ADIPOR2: variants seen among roughly 807,000 people sequenced by gnomAD.
The protein encoded by ADIPOR2 is adiponectin receptor protein 2.
A neutral mutation model predicts 40.9 loss-of-function variants in ADIPOR2; 18 were observed. That is an observed-to-expected ratio of 0.44 (90% CI 0.30 to 0.65). The LOEUF is 0.65. Among genes scored for constraint, ADIPOR2 ranks in the 30% least tolerant of loss-of-function variants. The probability of loss-of-function intolerance (pLI) is 0.09; values close to 1 mark genes in which losing one functional copy is unlikely to be tolerated. For synonymous variants in ADIPOR2, 165 were observed against 166.4 expected, an observed-to-expected ratio of 0.99 and a Z score of 0.06; for missense variants, 283 against 479.2, an observed-to-expected ratio of 0.59 and a Z score of 3.82.
At chr12:1,697,578 C>G (rs2094641873) in intron 1 of ADIPOR2, 1 of 152,476 alleles carries the variant, frequency 6.6e-6, no homozygotes, top group Admixed American at 6.5e-5. Flanking sequence ...TTCTGCAGTA[C>G]TATATCCACT....
intron 1 of ADIPOR2, among the ~76,000 whole-genome samples, chr12:1,748,819 C>G (rs1345069610): frequency 6.6e-6 from 1 of 151,992 alleles, no homozygotes; most frequent in Non-Finnish European, 1.5e-5. Flanking sequence ...TGTGATCACA[C>G]ACATGGGGTT....
At chr12:1,732,969 A>G (rs1443356956) in intron 1 of ADIPOR2, among the ~76,000 whole-genome samples, 2 of 152,212 alleles carry the variant, frequency 1.3e-5, no homozygotes, top group Non-Finnish European at 2.9e-5. Flanking sequence ...AAAGAGTACA[A>G]TTATTGGGAT....
intron 1 of ADIPOR2, among the ~76,000 whole-genome samples, chr12:1,717,572 G>A (rs557878148): frequency 6.6e-6 from 1 of 152,284 alleles, no homozygotes; most frequent in African/African-American, 2.4e-5. Flanking sequence ...AGGCGTGGTG[G>A]CACATGCCTG....
chr12:1,725,712 ATACAT>A (rs2094706580), intron 1 of ADIPOR2, among the ~76,000 whole-genome samples: 1 of 152,210 alleles, frequency 6.6e-6, no homozygotes, highest in Non-Finnish European at 1.5e-5. Flanking sequence ...AATGAACAAA[ATACAT>A]TATATTTTAC....
At chr12:1,771,723 T>C (rs1862498593) in intron 2 of ADIPOR2, among the ~76,000 whole-genome samples, 1 of 152,228 alleles carries the variant, frequency 6.6e-6, no homozygotes, top group Admixed American at 6.5e-5. Context: ...TAAAGTGTTG[T>C]AGTAGATTAC....
At chr12:1,741,217 T>G (rs927346551) in intron 1 of ADIPOR2, among the ~76,000 whole-genome samples, 8 of 152,058 alleles carry the variant, frequency 5.3e-5, no homozygotes, top group African/African-American at 1.9e-4. Context: ...ATTTTTCTGT[T>G]CGAAAGAGCA....
chr12:1,775,825 G>A (rs778690220), intron 3 of ADIPOR2, among the ~76,000 whole-genome samples: 3 of 150,862 alleles, frequency 2.0e-5, no homozygotes, highest in African/African-American at 7.3e-5. Flanking sequence ...ACTTCCAGCA[G>A]TTCCAACAGA....
Position 1,747,154 on chromosome 12 carries a change from G to A in ADIPOR2, c.-86-7104G>A, listed in dbSNP as rs2094757317. On this transcript the variant is annotated intron_variant, in intron 1 of 7. Transcript: ENST00000357103. Reference sequence around the variant, plus strand: ...CTAATAGGCATGTATACTCCACTCAGTAGCTATTTTTCTCAAGTGCACATA... The same window carrying A: ...CTAATAGGCATGTATACTCCACTCAATAGCTATTTTTCTCAAGTGCACATA... 1.3e-5 allele frequency among the ~76,000 whole-genome samples: 2 copies of A among 151,208 alleles called. 1 individual carries two copies. Among genetic ancestry groups the A allele is most frequent in the South Asian group, 4.1e-4 (2 of 4,822 alleles).
chr12:1,720,539 A>C (rs1458856763), intron 1 of ADIPOR2, among the ~76,000 whole-genome samples: 2 of 152,232 alleles, frequency 1.3e-5, no homozygotes, highest in Non-Finnish European at 2.9e-5. Context: ...ACAGTGGCAG[A>C]TCATCAGGCA....
chr12:1,723,502 T>TG (rs138616521), intron 1 of ADIPOR2, among the ~76,000 whole-genome samples: 2,363 of 142,128 alleles, frequency 0.017, 41 homozygotes, highest in African/African-American at 0.058. Flanking sequence ...CCAGGCGTGG[T>TG]GGTGGGTGCC....
intron 2 of ADIPOR2, among the ~76,000 whole-genome samples, chr12:1,769,379 G>A (rs188833959): frequency 2.0e-5 from 3 of 152,196 alleles, no homozygotes; most frequent in African/African-American, 7.2e-5. Context: ...CGTGGATACC[G>A]CATTAGCAAC....
At position 1,692,644 on chromosome 12, in the gene ADIPOR2, GT is replaced by G. The variant is rs371965934; in HGVS notation, c.-87+1463del. ...ATTTCCAGAGCCTAAAAGAGAGTTT[GT>G]TTTTTTTTTCTATCCCTAGGCTCCT... On this transcript the variant is annotated intron_variant, in intron 1 of 7. Transcript: ENST00000357103. 1.1e-4 allele frequency among the ~76,000 whole-genome samples: 16 copies of G among 142,152 alleles called. 2 individuals carry two copies. Among genetic ancestry groups the G allele is most frequent in the Admixed American group, 6.2e-4 (9 of 14,426 alleles). The allele number at this position is 142,152 out of a possible 152,430, so 93.3% of individuals were successfully genotyped here.
At chr12:1,778,219 TAA>T (rs1862639547) in intron 4 of ADIPOR2, 194 bp downstream of exon 4, 16 of 557,316 alleles carry the variant, frequency 2.9e-5, no homozygotes, top group Non-Finnish European at 4.6e-5. Flanking sequence ...TGTTATAACT[TAA>T]GTTATATTTC....
chr12:1,772,709 T>C (rs1400732516), intron 2 of ADIPOR2, 133 bp from the exon 3 acceptor site: 2 of 1,114,588 alleles, frequency 1.8e-6, no homozygotes, highest in African/African-American at 3.1e-5. Context: ...ACTGACTTAC[T>C]ATATTGTTGA....
At chr12:1,711,622 CTCTCTCTCTCTCTCTCTCTT>C (rs1327470600) in intron 1 of ADIPOR2, among the ~76,000 whole-genome samples, 2 of 4,046 alleles carry the variant, frequency 4.9e-4, no homozygotes, top group Non-Finnish European at 1.7e-3. Context: ...TCCTCTCTCT[CTCTCTCTCTCTCTCTCTCTT>C]TCTCTCTTTC....
Position 1,781,014 on chromosome 12 carries a change from C to T in ADIPOR2, c.776C>T (p.Ala259Val), listed in dbSNP as rs1862706811. ...YLIVICVLGI[A>V]AIIVSQWDMF... The stretch of plus-strand genomic sequence containing the variant: ...ATTGTCATCTGTGTGCTGGGCATTG[C>T]AGCCATTATAGTCTCCCAGTGGGAC... Residue 259 changes from alanine to valine, a missense_variant, in exon 6 of 8, where the codon GCA becomes GTA. Physicochemically the swap from Ala to Val is moderately conservative, Grantham distance 64. Coordinates refer to ENST00000357103, the MANE Select transcript of ADIPOR2 (RefSeq NM_024551.3). The T allele has an allele frequency of 6.2e-7, 1 of 1,613,650 alleles. No homozygotes were observed. The highest frequency in any genetic ancestry group is 1.1e-5 in the South Asian group (1 of 90,980).
At chr12:1,705,689 A>G (rs2094660775) in intron 1 of ADIPOR2, among the ~76,000 whole-genome samples, 1 of 152,246 alleles carries the variant, frequency 6.6e-6, no homozygotes, top group African/African-American at 2.4e-5. Flanking sequence ...AGTCATTATT[A>G]TAGATCTTGG....
In ADIPOR2 at chr12:1,699,551, C is replaced by G. The variant is rs1210449797; in HGVS notation, c.-87+8360C>G. Among the ~76,000 whole-genome samples the G allele has an allele frequency of 3.3e-5, 5 of 152,198 alleles. No homozygotes were observed. In the South Asian group the frequency reaches 8.3e-4, roughly 25 times the overall value. ...CTGTAATCCCTGCTACTTGGGAGAC[C>G]GAGGCAGGATAATCACTTGAACCCG... On this transcript the variant is annotated intron_variant, in intron 1 of 7. Transcript: ENST00000357103.
intron 2 of ADIPOR2, among the ~76,000 whole-genome samples, chr12:1,770,644 G>A (rs1862477423): frequency 6.6e-6 from 1 of 152,142 alleles, no homozygotes; most frequent in South Asian, 2.1e-4. Flanking sequence ...CATCATGTAA[G>A]TATGTTCCAG....
Sources: gnomAD v4.1 joint callset for allele counts (sites outside exome capture counted in the v4.1 genomes callset) on GRCh38, gnomAD v4.1.1 for gene constraint, MANE v1.5 for transcripts, NCBI Gene and HGNC (gene_info 2026-07-23, HGNC 2026-07-21) for gene names.